The following TRPM3 variants were observed in gnomAD, a reference collection of about 807,000 sequenced individuals.
TRPM3 encodes transient receptor potential cation channel subfamily M member 3, also known as long transient receptor potential channel 3.
TRPM3 carries 77 observed loss-of-function variants against 181.2 expected under a neutral mutation model. The observed-to-expected ratio is 0.42, with a 90% CI of 0.35 to 0.51. TRPM3 has a LOEUF of 0.51. Among genes scored for constraint, TRPM3 ranks in the 20% least tolerant of loss-of-function variants. The pLI is 0.01. For synonymous variants in TRPM3, 745 were observed against 796.4 expected (o/e 0.94, Z 1.09); for missense variants, 1,759 against 2,196.7 (o/e 0.80, Z 3.98).
At chr9:71,161,103 A>G (rs1292643429) in intron 1 of TRPM3, among the ~76,000 whole-genome samples, 1 of 152,134 alleles carries the variant, frequency 6.6e-6, no homozygotes, top group African/African-American at 2.4e-5. Context: ...AAATAAATGA[A>G]AATTTTACTT....
chr9:71,123,470 T>C (rs2073850405), upstream of TRPM3, among the ~76,000 whole-genome samples: 1 of 152,186 alleles, frequency 6.6e-6, no homozygotes, highest in South Asian at 2.1e-4. Flanking sequence ...AATAAGCTAA[T>C]ATTGGCAAAG....
chr9:71,446,143 G>T (rs906940206), intron 1 of TRPM3, among the ~76,000 whole-genome samples: 1 of 152,184 alleles, frequency 6.6e-6, no homozygotes, highest in Admixed American at 6.5e-5. Flanking sequence ...GCTATTCTCT[G>T]TATGCAAATG....
At chr9:70,596,824 G>GA (rs1387772603) in intron 21 of TRPM3, among the ~76,000 whole-genome samples, 1 of 152,028 alleles carries the variant, frequency 6.6e-6, no homozygotes, top group East Asian at 1.9e-4. Context: ...CTGTTTTCGA[G>GA]AAAAAAATAC....
intron 1 of TRPM3, among the ~76,000 whole-genome samples, chr9:71,148,134 A>T (rs926920220): frequency 1.3e-5 from 2 of 152,090 alleles, no homozygotes; most frequent in African/African-American, 4.8e-5. Context: ...TCAATTTATT[A>T]CAGTTTACTT....
intron 1 of TRPM3, among the ~76,000 whole-genome samples, chr9:70,958,717 T>C (rs917334961): frequency 7.9e-5 from 12 of 152,030 alleles, no homozygotes; most frequent in Non-Finnish European, 1.6e-4. Flanking sequence ...CGTATGTTTA[T>C]TGTGGCATTA....
At chr9:71,145,986 A>T (rs1440344610) in intron 1 of TRPM3, among the ~76,000 whole-genome samples, 1 of 152,172 alleles carries the variant, frequency 6.6e-6, no homozygotes, top group Non-Finnish European at 1.5e-5. Flanking sequence ...TGAAGAAGTC[A>T]TCTGAAGACA....
intron 1 of TRPM3, among the ~76,000 whole-genome samples, chr9:71,243,238 C>T (rs143658481): frequency 0.022 from 3,426 of 152,268 alleles, 55 homozygotes; most frequent in South Asian, 0.039. Flanking sequence ...GATTGGGTTT[C>T]ACCATGTTGG....
intron 1 of TRPM3, among the ~76,000 whole-genome samples, chr9:71,312,305 C>T (rs1455324156): frequency 6.6e-6 from 1 of 152,056 alleles, no homozygotes; most frequent in Non-Finnish European, 1.5e-5. Context: ...AAAGATGCTC[C>T]ATAATAAAAT....
intron 1 of TRPM3, among the ~76,000 whole-genome samples, chr9:71,168,578 GTTT>G (rs1248703820): frequency 9.2e-5 from 4 of 43,258 alleles, no homozygotes; most frequent in African/African-American, 3.3e-4. Flanking sequence ...ATTTATTTTT[GTTT>G]TTTATTTTTT....
intron 1 of TRPM3, among the ~76,000 whole-genome samples, chr9:71,335,824 A>C (rs2090516193): frequency 1.3e-5 from 2 of 152,152 alleles, no homozygotes; most frequent in Admixed American, 6.6e-5. Context: ...TCAATACTAA[A>C]TATCTTTAAC....
rs141114238 is a variant in TRPM3, at chr9:71,279,710, C to A, written c.183+166943G>T. Among the ~76,000 whole-genome samples the A allele has an allele frequency of 2.0e-5, 3 of 152,172 alleles. No individual in the cohort carries two copies. The East Asian group carries it at 5.8e-4, about 29-fold the overall frequency. On this transcript the variant is annotated intron_variant, in intron 1 of 24. Coordinates refer to the TRPM3 transcript ENST00000357533. ...GAAGAGCCTGGGGGAGAGGACTCAG[C>A]GTAGACAGGGAGAGATGATTCAGGA...
At chr9:70,802,579 C>G (rs1042920211) in intron 6 of TRPM3, among the ~76,000 whole-genome samples, 33 of 152,312 alleles carry the variant, frequency 2.2e-4, no homozygotes, top group African/African-American at 7.5e-4. Flanking sequence ...CAATGAGAAA[C>G]TAACCAAGTT....
At chr9:71,030,585 G>T (rs1226194390) in intron 1 of TRPM3, among the ~76,000 whole-genome samples, 1 of 150,434 alleles carries the variant, frequency 6.6e-6, no homozygotes, top group Non-Finnish European at 1.5e-5. Flanking sequence ...AAAAAAAAAA[G>T]ATTGCAAAAA....
intron 9 of TRPM3, among the ~76,000 whole-genome samples, chr9:70,642,601 C>T (rs867735816): frequency 1.3e-5 from 2 of 152,132 alleles, no homozygotes; most frequent in South Asian, 2.1e-4. Flanking sequence ...GATCCAGGCG[C>T]GGATATTTTT....
intron 1 of TRPM3, among the ~76,000 whole-genome samples, chr9:70,983,420 G>GC (rs1020295174): frequency 3.4e-4 from 52 of 151,902 alleles, no homozygotes; most frequent in African/African-American, 1.2e-3. Flanking sequence ...TACTTCAAAG[G>GC]CATCAAACTC....
At chr9:70,909,652 A>G (rs2096517371) in intron 1 of TRPM3, among the ~76,000 whole-genome samples, 1 of 152,158 alleles carries the variant, frequency 6.6e-6, no homozygotes, top group African/African-American at 2.4e-5. Context: ...ACAATATACA[A>G]TCTAATAGGA....
chr9:71,220,812 A>G (rs1160658539), intron 1 of TRPM3, among the ~76,000 whole-genome samples: 1 of 152,150 alleles, frequency 6.6e-6, no homozygotes, highest in Non-Finnish European at 1.5e-5. Flanking sequence ...AGCGCTCCCA[A>G]GGAAAAAGCT....
intron 1 of TRPM3, among the ~76,000 whole-genome samples, chr9:71,221,860 G>A (rs914962487): frequency 2.6e-5 from 4 of 152,202 alleles, no homozygotes; most frequent in Non-Finnish European, 1.5e-5. Context: ...GGAGGTGGAT[G>A]AAGGGAAATG....
intron 1 of TRPM3, among the ~76,000 whole-genome samples, chr9:71,149,740 G>T (rs2075625852): frequency 1.3e-5 from 2 of 152,136 alleles, no homozygotes. Flanking sequence ...TTGGGAGGCT[G>T]AGGCGGATGG....
Sources: gnomAD v4.1 joint callset for allele counts (sites outside exome capture counted in the v4.1 genomes callset) on GRCh38, gnomAD v4.1.1 for gene constraint, MANE v1.5 for transcripts, NCBI Gene and HGNC (gene_info 2026-07-23, HGNC 2026-07-21) for gene names.